Variants in CHMP4B observed in about 807,000 individuals in gnomAD.
CHMP4B encodes the protein charged multivesicular body protein 4B.
Under a neutral mutation model 25.1 loss-of-function variants are expected in CHMP4B, and 1 was observed. That is an observed-to-expected ratio of 0.04 (90% CI 0.01 to 0.19). The LOEUF (loss-of-function observed/expected upper bound fraction) is 0.19. Ranked by LOEUF, CHMP4B falls within the 10% of genes least tolerant of loss-of-function variation. The pLI is 1.00. For missense variants in CHMP4B, 151 were observed against 289.7 expected (o/e 0.52, Z 3.48); for synonymous variants, 101 against 115.6 (o/e 0.87, Z 0.81).
intron 1 of CHMP4B, among the ~76,000 whole-genome samples, chr20:33,842,152 G>T (rs1979560873): frequency 6.6e-6 from 1 of 152,150 alleles, no homozygotes; most frequent in Non-Finnish European, 1.5e-5. Flanking sequence ...TCAAAGTTTG[G>T]TGGGATCTCT....
intron 1 of CHMP4B, among the ~76,000 whole-genome samples, chr20:33,813,013 TAAACACACA>T (rs1448168778): frequency 6.6e-5 from 10 of 152,014 alleles, no homozygotes. Context: ...TGATAAGTAC[TAAACACACA>T]AAAAGATGGT....
rs530398822 is a variant in CHMP4B, at chr20:33,832,082, G to T, written c.191-16385G>T. On this transcript the variant is annotated intron_variant, in intron 1 of 4. Coordinates refer to ENST00000217402, the MANE Select transcript of CHMP4B (RefSeq NM_176812.5). ...CTTGCCTTGCTTTTCTAACAAGCGC[G>T]CACATTGGAAGTATTTTTCTGCCGG... Among the ~76,000 whole-genome samples the T allele has an allele frequency of 5.9e-5, 9 of 152,104 alleles. 1 individual carries two copies. The South Asian group carries it at 1.7e-3, about 28-fold the overall frequency.
chr20:33,820,645 G>T (rs1041926929), intron 1 of CHMP4B, among the ~76,000 whole-genome samples: 4 of 152,160 alleles, frequency 2.6e-5, no homozygotes, highest in African/African-American at 4.8e-5. Context: ...TTTGTGACAT[G>T]CAGTGGAGGG....
At chr20:33,840,018 G>C (rs922168907) in intron 1 of CHMP4B, among the ~76,000 whole-genome samples, 2 of 152,154 alleles carry the variant, frequency 1.3e-5, no homozygotes, top group Non-Finnish European at 2.9e-5. Flanking sequence ...GTTAGCTGCT[G>C]TTATATATTA....
chr20:33,814,254 T>C (rs191081360), intron 1 of CHMP4B, among the ~76,000 whole-genome samples: 1 of 152,248 alleles, frequency 6.6e-6, no homozygotes, highest in East Asian at 1.9e-4. Context: ...TACCATTCAG[T>C]TAGTCTGCTT....
At chr20:33,848,773 C>T (rs1434542665) in intron 2 of CHMP4B, 129 bp downstream of exon 2, 1 of 1,006,592 alleles carries the variant, frequency 9.9e-7, no homozygotes, top group Non-Finnish European at 1.5e-6. Flanking sequence ...TTTTAATTCT[C>T]ATTCTTTTTT....
intron 1 of CHMP4B, among the ~76,000 whole-genome samples, chr20:33,838,154 C>T (rs1204178264): frequency 2.0e-5 from 3 of 152,222 alleles, no homozygotes; most frequent in Non-Finnish European, 4.4e-5. Flanking sequence ...TGTCAAGTAC[C>T]TTTAACTTTG....
intron 2 of CHMP4B, among the ~76,000 whole-genome samples, chr20:33,850,046 G>A (rs1979803513): frequency 6.6e-6 from 1 of 152,142 alleles, no homozygotes; most frequent in African/African-American, 2.4e-5. Context: ...CAAAGTTTTG[G>A]GATTACAGGT....
At chr20:33,848,721 C>A in intron 2 of CHMP4B, 77 bp downstream of exon 2, 5 of 1,478,186 alleles carry the variant, frequency 3.4e-6, no homozygotes, top group East Asian at 2.3e-5. Flanking sequence ...TGGCCTTGGG[C>A]AGACGGATCC....
At chr20:33,841,591 C>T (rs894708258) in intron 1 of CHMP4B, among the ~76,000 whole-genome samples, 1 of 152,130 alleles carries the variant, frequency 6.6e-6, no homozygotes, top group Non-Finnish European at 1.5e-5. Context: ...CCATGCTGTC[C>T]CAGGCACCCT....
At chr20:33,824,095 A>C (rs886920418) in intron 1 of CHMP4B, among the ~76,000 whole-genome samples, 18 of 152,210 alleles carry the variant, frequency 1.2e-4, no homozygotes, top group African/African-American at 3.9e-4. Flanking sequence ...TCTGCAGAGG[A>C]ATACTTCACA....
At chr20:33,852,006 T>C in intron 3 of CHMP4B, 71 bp from the exon 4 acceptor site, 1 of 1,600,860 alleles carries the variant, frequency 6.2e-7, no homozygotes, top group Non-Finnish European at 8.5e-7. Context: ...GAGCATTAAT[T>C]AGGTAGGAGG....
chr20:33,817,644 C>G (rs1353596206), intron 1 of CHMP4B, among the ~76,000 whole-genome samples: 1 of 152,168 alleles, frequency 6.6e-6, no homozygotes, highest in African/African-American at 2.4e-5. Flanking sequence ...CAGAGCCCAC[C>G]AGGAGGAGGG....
intron 1 of CHMP4B, among the ~76,000 whole-genome samples, chr20:33,817,561 C>T (rs1056882749): frequency 1.1e-4 from 16 of 152,080 alleles, no homozygotes; most frequent in Non-Finnish European, 1.2e-4. Context: ...AAGATGTGTG[C>T]GAGCCAGCCA....
rs140350972 is a variant in CHMP4B at position 33,846,241 on chromosome 20, G to C, written c.191-2226G>C. ...CTGGGCTGAGTCACAGGACATCTCTGAACCTCAGTTTCCTCATCAACTAAC... is the reference window on the plus strand; with the variant it reads ...CTGGGCTGAGTCACAGGACATCTCTCAACCTCAGTTTCCTCATCAACTAAC... On this transcript the variant is annotated intron_variant, in intron 1 of 4. Transcript: ENST00000217402. Among the ~76,000 whole-genome samples the C allele has an allele frequency of 6.3e-3, 964 of 152,292 alleles. 10 individuals are homozygous for C. Among genetic ancestry groups the C allele is most frequent in the Non-Finnish European group, 0.011 (758 of 68,022 alleles).
At position 33,826,504 on chromosome 20, in the gene CHMP4B, A is replaced by G. The variant is rs143453702; in HGVS notation, c.190+14846A>G. Among the ~76,000 whole-genome samples the G allele has an allele frequency of 6.8e-4, 103 of 152,208 alleles. No homozygotes were observed. In the East Asian group the frequency reaches 0.015, roughly 23 times the overall value. ...TTAGCGAGACACATACCAAATGGAT[A>G]CTTTCTGTCTCTAGAGAGCAGTTTG... is the stretch of plus-strand genomic sequence containing the variant. On this transcript the variant is annotated intron_variant, in intron 1 of 4. Transcript: ENST00000217402.
At chr20:33,822,025 A>G (rs1427515532) in intron 1 of CHMP4B, among the ~76,000 whole-genome samples, 1 of 150,058 alleles carries the variant, frequency 6.7e-6, no homozygotes, top group African/African-American at 2.5e-5. Flanking sequence ...GGGTTTTGCC[A>G]TGTTGCCCAG....
At position 33,835,048 on chromosome 20, in the gene CHMP4B, G is replaced by C. The variant is rs368778210; in HGVS notation, c.191-13419G>C. ...TGACCTCAAGGGATCCGCCCGCCTC[G>C]GCCTCCCAAAATGCTGGGATTACAA... On this transcript the variant is annotated intron_variant, in intron 1 of 4. Transcript: ENST00000217402. 1.7e-4 allele frequency among the ~76,000 whole-genome samples: 26 copies of C among 152,156 alleles called. No individual in the cohort carries two copies. The South Asian group carries it at 5.2e-3, about 30-fold the overall frequency.
chr20:33,827,650 G>T (rs1394726732), intron 1 of CHMP4B, among the ~76,000 whole-genome samples: 4 of 152,256 alleles, frequency 2.6e-5, no homozygotes, highest in Admixed American at 1.3e-4. Flanking sequence ...GTTTGGTTCA[G>T]TAGCCTGCCT....
Sources: allele counts gnomAD v4.1 joint callset (sites outside exome capture counted in the v4.1 genomes callset), GRCh38; gene constraint gnomAD v4.1.1; transcripts MANE v1.5; gene names NCBI Gene and HGNC (gene_info 2026-07-23, HGNC 2026-07-21).